ADAMTSL1: variants seen among roughly 807,000 people sequenced by gnomAD.
ADAMTSL1 encodes ADAMTS-like protein 1.
In ADAMTSL1, 126 loss-of-function variants were observed where a neutral mutation model predicts 201.8. The ratio of observed to expected loss-of-function variants is 0.62; its 90% CI spans 0.54 to 0.72. ADAMTSL1 has a LOEUF of 0.72. Among genes scored for constraint, ADAMTSL1 ranks in the 30% least tolerant of loss-of-function variants. The pLI, the probability that ADAMTSL1 is intolerant of heterozygous loss-of-function variation, is 0.00. For missense variants in ADAMTSL1, 2,679 were observed against 2,277.8 expected (o/e 1.18, Z -3.59); for synonymous variants, 1,121 against 903.4 (o/e 1.24, Z -4.32).
chr9:18,348,991 A>G (rs891764914), intron 2 of ADAMTSL1, among the ~76,000 whole-genome samples: 11 of 152,270 alleles, frequency 7.2e-5, no homozygotes, highest in African/African-American at 2.6e-4. Context: ...GGCAAGTACT[A>G]CTATTGTACC....
At chr9:18,568,947 A>G (rs559146999) in intron 3 of ADAMTSL1, among the ~76,000 whole-genome samples, 1 of 152,184 alleles carries the variant, frequency 6.6e-6, no homozygotes, top group Non-Finnish European at 1.5e-5. Context: ...TCTAAAGGAA[A>G]ATGCCTTCTT....
intron 2 of ADAMTSL1, among the ~76,000 whole-genome samples, chr9:18,249,879 C>G (rs16936468): frequency 6.6e-5 from 10 of 152,002 alleles, no homozygotes; most frequent in African/African-American, 2.4e-4. Flanking sequence ...TGGACAGGGA[C>G]AGGGTTCTCC....
At chr9:18,697,434 C>T (rs1831626454) in intron 13 of ADAMTSL1, among the ~76,000 whole-genome samples, 1 of 152,088 alleles carries the variant, frequency 6.6e-6, no homozygotes, top group Admixed American at 6.5e-5. Context: ...CTCCTAATTC[C>T]ATAGAACAAG....
At chr9:18,544,552 G>A (rs563323644) in intron 3 of ADAMTSL1, among the ~76,000 whole-genome samples, 4 of 152,040 alleles carry the variant, frequency 2.6e-5, no homozygotes, top group African/African-American at 7.2e-5. Context: ...TGGAGACCAC[G>A]AGAGCGGGGT....
At chr9:18,582,887 TA>T (rs1343557410) in intron 4 of ADAMTSL1, among the ~76,000 whole-genome samples, 3 of 149,622 alleles carry the variant, frequency 2.0e-5, no homozygotes, top group African/African-American at 5.0e-5. Context: ...TAAAATAAAA[TA>T]AAAATAAAAT....
chr9:18,887,170 T>C (rs1322439288), intron 23 of ADAMTSL1, among the ~76,000 whole-genome samples: 1 of 152,236 alleles, frequency 6.6e-6, no homozygotes, highest in Non-Finnish European at 1.5e-5. Context: ...CCTGTTTATC[T>C]TACCGATTCT....
chr9:18,896,718 G>A (rs1364909959), intron 26 of ADAMTSL1, among the ~76,000 whole-genome samples: 1 of 152,136 alleles, frequency 6.6e-6, no homozygotes, highest in African/African-American at 2.4e-5. Context: ...ACATATCTTT[G>A]CAATCAGTGG....
chr9:18,862,221 C>G (rs948572644), intron 23 of ADAMTSL1, among the ~76,000 whole-genome samples: 1 of 152,100 alleles, frequency 6.6e-6, no homozygotes, highest in Non-Finnish European at 1.5e-5. Context: ...GGGCTGTGAG[C>G]GAAGGTTCTT....
At chr9:18,828,660 T>TTTATATATATATATATATATATA (rs10685537) in intron 22 of ADAMTSL1, among the ~76,000 whole-genome samples, 5 of 28,514 alleles carry the variant, frequency 1.8e-4, no homozygotes, top group African/African-American at 4.7e-4. Context: ...GAAAGTATAT[T>TTTATATATATATATATATATATA]TATATATATA....
At chr9:17,917,220 A>G (rs1369581347) in intron 1 of ADAMTSL1, among the ~76,000 whole-genome samples, 4 of 152,104 alleles carry the variant, frequency 2.6e-5, no homozygotes, top group Non-Finnish European at 4.4e-5. Context: ...AGAGTTCTTT[A>G]AAGTCTTTAT....
chr9:18,667,958 G>C (rs1016886837), intron 9 of ADAMTSL1, among the ~76,000 whole-genome samples: 2 of 151,940 alleles, frequency 1.3e-5, no homozygotes, highest in Admixed American at 6.6e-5. Context: ...CAGTTCACAA[G>C]TGTCTGATAA....
At chr9:18,775,593 A>T (rs1563788787) in intron 17 of ADAMTSL1, 150 bp from the exon 18 acceptor site, 2 of 1,066,568 alleles carry the variant, frequency 1.9e-6, no homozygotes, top group Admixed American at 2.3e-5. Flanking sequence ...CAGGTCTTCC[A>T]CATTGTGACC....
At chr9:18,762,218 A>C (rs1314526111) in intron 16 of ADAMTSL1, among the ~76,000 whole-genome samples, 1 of 152,202 alleles carries the variant, frequency 6.6e-6, no homozygotes, top group Non-Finnish European at 1.5e-5. Context: ...AGAGGAAAAT[A>C]GCGGGCACAT....
rs62548568 is a variant in ADAMTSL1, at chr9:18,300,377, C to T, written c.207+136396C>T. On this transcript the variant is annotated intron_variant, in intron 2 of 29. Coordinates refer to the ADAMTSL1 transcript ENST00000680146. ...ATCATAAGGACAGAAAACCAAACACCGCACGTCCTCACTCATAGGTGGGAA... is the reference window on the plus strand; with the variant it reads ...ATCATAAGGACAGAAAACCAAACACTGCACGTCCTCACTCATAGGTGGGAA... Among the ~76,000 whole-genome samples the T allele has an allele frequency of 2.0e-4, 30 of 151,724 alleles. 1 individual carries two copies. The South Asian group carries it at 3.8e-3, about 19-fold the overall frequency.
chr9:18,202,305 T>A (rs530986211), intron 2 of ADAMTSL1, among the ~76,000 whole-genome samples: 1 of 152,316 alleles, frequency 6.6e-6, no homozygotes, highest in East Asian at 1.9e-4. Flanking sequence ...CAAAACAAGC[T>A]ATATAATATT....
At chr9:18,746,312 C>T (rs10511662) in intron 15 of ADAMTSL1, among the ~76,000 whole-genome samples, 10,595 of 152,182 alleles carry the variant, frequency 0.07, 793 homozygotes, top group African/African-American at 0.18. Context: ...AGACCCTGTA[C>T]GTGCCCCTCC....
Position 18,228,671 on chromosome 9 carries a change from A to T in ADAMTSL1, c.207+64690A>T, listed in dbSNP as rs185236165. On this transcript the variant is annotated intron_variant, in intron 2 of 29. Transcript: ENST00000680146. Reference sequence around the variant, plus strand: ...CCGGCCTCAAGTGATCTTCTTGCCTAGGCCTCCTAAAGTGCTGGGATTACA... The same window carrying T: ...CCGGCCTCAAGTGATCTTCTTGCCTTGGCCTCCTAAAGTGCTGGGATTACA... Among the ~76,000 whole-genome samples, 198 of 152,118 alleles carry T rather than the reference A, an allele frequency of 1.3e-3. 1 individual carries two copies. Among genetic ancestry groups the T allele is most frequent in the African/African-American group, 4.5e-3 (186 of 41,516 alleles).
At chr9:18,069,776 T>C (rs1463068363) in intron 1 of ADAMTSL1, among the ~76,000 whole-genome samples, 1 of 152,206 alleles carries the variant, frequency 6.6e-6, no homozygotes, top group Non-Finnish European at 1.5e-5. Flanking sequence ...TTGAAACTGC[T>C]ATAGTAGTCC....
chr9:18,253,975 A>G (rs1269047908), intron 2 of ADAMTSL1, among the ~76,000 whole-genome samples: 2 of 152,168 alleles, frequency 1.3e-5, no homozygotes, highest in East Asian at 1.9e-4. Context: ...TTACGTGCCA[A>G]TTCACGTGCT....
Sources: allele counts gnomAD v4.1 joint callset (sites outside exome capture counted in the v4.1 genomes callset), GRCh38; gene constraint gnomAD v4.1.1; transcripts MANE v1.5; gene names NCBI Gene and HGNC (gene_info 2026-07-23, HGNC 2026-07-21).